Variants in RPN2 observed in about 807,000 individuals in gnomAD.
The protein encoded by RPN2 is ribophorin II.
In RPN2, 29 loss-of-function variants were observed where a neutral mutation model predicts 71.4. The ratio of observed to expected loss-of-function variants is 0.41; its 90% CI spans 0.30 to 0.55. RPN2 has a LOEUF of 0.55. RPN2 is among the 20% of genes least tolerant of loss of function. The probability of loss-of-function intolerance (pLI) is 0.35; values close to 1 mark genes in which losing one functional copy is unlikely to be tolerated. For missense variants in RPN2, 726 were observed against 774.1 expected (o/e 0.94, Z 0.74); for synonymous variants, 308 against 305.0 (o/e 1.01, Z -0.10).
chr20:37,209,348 G>A (rs540855558), intron 7 of RPN2, among the ~76,000 whole-genome samples: 1 of 152,128 alleles, frequency 6.6e-6, no homozygotes, highest in Non-Finnish European at 1.5e-5. Context: ...TAGTAGAGAC[G>A]GGGTCTCACT....
chr20:37,198,446 C>T lies in RPN2; in HGVS notation c.257C>T (p.Ser86Phe). 6.2e-7 allele frequency: 1 copy of T among 1,614,218 alleles called. No individual in the cohort carries two copies. Among genetic ancestry groups the T allele is most frequent in the Non-Finnish European group, 8.5e-7 (1 of 1,180,038 alleles). The change falls in exon 3 of 17, where the codon TCC becomes TTC. Residue 86 changes from serine to phenylalanine, a missense_variant. Transcript: ENST00000237530. Reference protein sequence around the residue: ...RSNLDPSNVDSLFYAAQASQA... With the variant: ...RSNLDPSNVDFLFYAAQASQA... ...AACCTTGATCCCAGCAATGTGGATT[C>T]CCTCTTCTACGCTGCCCAGGCCAGC... is the stretch of plus-strand genomic sequence containing the variant.
At chr20:37,180,322 G>A (rs2066828099) in intron 1 of RPN2, among the ~76,000 whole-genome samples, 1 of 152,224 alleles carries the variant, frequency 6.6e-6, no homozygotes. Context: ...GTGTCCTAGG[G>A]CAGGTAACTA....
chr20:37,236,469 A>G (rs1421316664), intron 15 of RPN2, 111 bp from the exon 16 acceptor site: 28 of 1,121,700 alleles, frequency 2.5e-5, no homozygotes, highest in South Asian at 2.5e-5. Context: ...ACAAGCTGGT[A>G]TAGGAGTACA....
chr20:37,187,465 G>GCA (rs1364847362), intron 2 of RPN2, among the ~76,000 whole-genome samples: 1 of 7,244 alleles, frequency 1.4e-4, no homozygotes, highest in African/African-American at 6.3e-4. Flanking sequence ...TCCCGCCACT[G>GCA]CACTCCAGCC....
chr20:37,217,780 T>C (rs1173112576), intron 9 of RPN2, among the ~76,000 whole-genome samples: 1 of 151,064 alleles, frequency 6.6e-6, no homozygotes, highest in Non-Finnish European at 1.5e-5. Context: ...CAGGCTGGAG[T>C]GCAGTGGCAC....
chr20:37,216,183 A>C (rs909425028), intron 9 of RPN2, among the ~76,000 whole-genome samples: 2 of 152,192 alleles, frequency 1.3e-5, no homozygotes, highest in Admixed American at 1.3e-4. Flanking sequence ...TACTAAAAAC[A>C]CAAAAAGTAG....
At chr20:37,208,059 G>C (rs4812886) in intron 7 of RPN2, among the ~76,000 whole-genome samples, 117,313 of 151,802 alleles carry the variant, frequency 0.77, 45,780 homozygotes, top group Middle Eastern at 0.89. Flanking sequence ...ATCATGAGGT[G>C]AAGAGATTGA....
chr20:37,240,478 C>G (rs2068522059), intron 16 of RPN2, among the ~76,000 whole-genome samples: 1 of 152,174 alleles, frequency 6.6e-6, no homozygotes, highest in Admixed American at 6.5e-5. Context: ...TTCTGCAAGA[C>G]TGGATCATTA....
intron 1 of RPN2, 149 bp from the exon 2 acceptor site, chr20:37,184,031 C>G: frequency 1.1e-6 from 1 of 883,242 alleles, no homozygotes. Flanking sequence ...TCCCTGCCTT[C>G]CCAAGGCTTC....
Position 37,241,353 on chromosome 20 carries a change from C to A in RPN2, c.*38C>A, listed in dbSNP as rs1238527413. On this transcript the variant is annotated 3_prime_UTR_variant, in exon 17 of 17. Coordinates refer to ENST00000237530, the MANE Select transcript of RPN2 (RefSeq NM_002951.5). ...GATGGAAATTCTGAAAACTGAATGT[C>A]AAGAAAAGGAGTCAAGAACAATTCA... 1 of 1,605,752 alleles carries A rather than the reference C, an allele frequency of 6.2e-7. No homozygotes were observed. Among genetic ancestry groups the A allele is most frequent in the Non-Finnish European group, 8.5e-7 (1 of 1,175,180 alleles).
At position 37,213,761 on chromosome 20, in the gene RPN2, G is replaced by T; in HGVS notation, c.988G>T (p.Asp330Tyr). The T allele has an allele frequency of 6.2e-7, 1 of 1,610,948 alleles. No homozygotes were observed. Among genetic ancestry groups the T allele is most frequent in the Non-Finnish European group, 8.5e-7 (1 of 1,177,116 alleles). Residue 330 changes from aspartate to tyrosine, a missense_variant and splice_region_variant, in exon 9 of 17, where the codon GAT becomes TAT. By Grantham distance (160) the Asp-to-Tyr change is radical. Transcript: ENST00000237530. ...LQKTSFTPVG[D>Y]VFELNFMNVK... ...TAAGCCCATTGTCATTCTTAACAGG[G>T]ATGTTTTTGAACTAAATTTCATGAA... is the stretch of plus-strand genomic sequence containing the variant.
chr20:37,238,504 C>A, intron 16 of RPN2: 1 of 1,248,538 alleles, frequency 8.0e-7, no homozygotes, highest in Non-Finnish European at 1.2e-6. Context: ...CCGTCTTGCC[C>A]GCCTCATGCA....
At position 37,184,190 on chromosome 20, in the gene RPN2, T is replaced by C. The variant is rs763881413; in HGVS notation, c.24T>C (p.Thr8=). MAPPGSS[T]VFLLALTIIA... ...TTGTTTCCCCCCAAGGTTCAAGCAC[T>C]GTCTTCCTGTTGGCCCTGACAATCA... is the stretch of plus-strand genomic sequence containing the variant. The change falls in exon 2 of 17, where the codon ACT becomes ACC. Residue 8 remains threonine, a synonymous_variant. Transcript: ENST00000237530. The C allele has an allele frequency of 6.2e-7, 1 of 1,614,102 alleles. No homozygotes were observed. Among genetic ancestry groups the C allele is most frequent in the African/African-American group, 1.3e-5 (1 of 74,934 alleles).
At chr20:37,216,916 GCTTTTT>G (rs1006397510) in intron 9 of RPN2, among the ~76,000 whole-genome samples, 5 of 145,878 alleles carry the variant, frequency 3.4e-5, no homozygotes, top group African/African-American at 5.1e-5. Flanking sequence ...TATATGCATT[GCTTTTT>G]CTTTTTCTTT....
chr20:37,180,885 C>T (rs781244903), intron 1 of RPN2, among the ~76,000 whole-genome samples: 2 of 152,192 alleles, frequency 1.3e-5, no homozygotes, highest in Non-Finnish European at 2.9e-5. Context: ...TTATTCTCAA[C>T]ACAGTAATAC....
intron 8 of RPN2, 153 bp downstream of exon 8, chr20:37,210,318 A>C: frequency 1.4e-6 from 2 of 1,446,452 alleles, no homozygotes; most frequent in Non-Finnish European, 1.9e-6. Context: ...TGATTTTTAA[A>C]ATGAAGATTA....
At chr20:37,196,617 C>T (rs754422586) in intron 2 of RPN2, among the ~76,000 whole-genome samples, 11 of 152,128 alleles carry the variant, frequency 7.2e-5, no homozygotes, top group Non-Finnish European at 1.3e-4. Flanking sequence ...CAGCCTCAAA[C>T]GATTCTCCAA....
rs6017561 is a variant in RPN2 at position 37,227,610 on chromosome 20, A to G, written c.1300-940A>G. Among the ~76,000 whole-genome samples, 751 of 152,314 alleles carry G rather than the reference A, an allele frequency of 4.9e-3. 8 individuals carry two copies. The highest frequency in any genetic ancestry group is 0.017 in the African/African-American group (713 of 41,568). ...CACATGAGATGTAGATTTTCTGTAG[A>G]TACAGTGCTGGCTCTGTCACCCTGC... On this transcript the variant is annotated intron_variant, in intron 11 of 16. Transcript: ENST00000237530.
chr20:37,219,138 C>G (rs2067891891), intron 9 of RPN2, among the ~76,000 whole-genome samples: 1 of 152,168 alleles, frequency 6.6e-6, no homozygotes, highest in Admixed American at 6.5e-5. Context: ...TTTCTACCAG[C>G]AATGTGTGAG....
Sources: allele counts gnomAD v4.1 joint callset (sites outside exome capture counted in the v4.1 genomes callset), GRCh38; gene constraint gnomAD v4.1.1; transcripts MANE v1.5; gene names NCBI Gene and HGNC (gene_info 2026-07-23, HGNC 2026-07-21).